Variants in PPIL1 observed in about 807,000 individuals in gnomAD.
The protein encoded by PPIL1 is peptidyl-prolyl cis-trans isomerase-like 1.
A neutral mutation model predicts 19.4 loss-of-function variants in PPIL1; 14 were observed. The observed-to-expected ratio is 0.72, with a 90% CI of 0.48 to 1.13. The LOEUF (loss-of-function observed/expected upper bound fraction) is 1.13. Among genes scored for constraint, PPIL1 ranks in the 50% most tolerant of loss-of-function variants. The pLI is 0.00. For synonymous variants in PPIL1, 72 were observed against 73.6 expected, an observed-to-expected ratio of 0.98 and a Z score of 0.11; for missense variants, 192 against 218.0, an observed-to-expected ratio of 0.88 and a Z score of 0.75.
intron 2 of PPIL1, among the ~76,000 whole-genome samples, chr6:36,865,718 T>C (rs1480603069): frequency 6.6e-6 from 1 of 152,258 alleles, no homozygotes; most frequent in Non-Finnish European, 1.5e-5. Context: ...CACACCGTAC[T>C]ATCATACATT....
chr6:36,871,928 G>T, intron 1 of PPIL1, 56 bp from the exon 2 acceptor site: 1 of 1,458,592 alleles, frequency 6.9e-7, no homozygotes, highest in Non-Finnish European at 9.1e-7. Flanking sequence ...GCAGACAGGA[G>T]TATTATGGAA....
At position 36,865,513 on chromosome 6, in the gene PPIL1, G is replaced by A. The variant is rs116206430; in HGVS notation, c.211+6205C>T. ...TAGAGTGGAAGATGTGACACCGGGG[G>A]TGGCGGGCTCCCTCCCTACCCCTGC... On this transcript the variant is annotated intron_variant, in intron 2 of 3. Coordinates refer to ENST00000373699, the MANE Select transcript of PPIL1 (RefSeq NM_016059.5). 8.3e-3 allele frequency among the ~76,000 whole-genome samples: 1,264 copies of A among 152,266 alleles called. 17 individuals are homozygous for A. The highest frequency in any genetic ancestry group is 0.028 in the African/African-American group (1,143 of 41,534).
intron 2 of PPIL1, among the ~76,000 whole-genome samples, chr6:36,860,970 T>A (rs576909882): frequency 6.6e-6 from 1 of 152,314 alleles, no homozygotes; most frequent in East Asian, 1.9e-4. Flanking sequence ...CACCTCACTG[T>A]ATGACCATAA....
Position 36,855,865 on chromosome 6 carries a change from TG to T in PPIL1, c.448del (p.Gln150ArgfsTer8). ...NRVGMVETNS[Q>X]DRPVDDVKII... The stretch of plus-strand genomic sequence containing the variant: ...CTTCACGTCGTCCACAGGGCGGTCC[TG>T]GGAGTTTGTTTCTACCATTCCCACG... On this transcript the variant is annotated frameshift_variant, in exon 4 of 4. Transcript: ENST00000373699. LOFTEE classifies it high-confidence loss of function. 1 of 1,614,162 alleles carries T rather than the reference TG, an allele frequency of 6.2e-7. No individual in the cohort carries two copies. The highest frequency in any genetic ancestry group is 8.5e-7 in the Non-Finnish European group (1 of 1,180,018).
In PPIL1 at chr6:36,855,114, G is replaced by A. The variant is rs1774140750; in HGVS notation, c.*699C>T. The stretch of plus-strand genomic sequence containing the variant: ...CTGGGAAAAAATGGTCAATGCTTCT[G>A]CTTCCTTTTAATAAACTAATTTCTT... On this transcript the variant is annotated 3_prime_UTR_variant, in exon 4 of 4. Coordinates refer to ENST00000373699, the MANE Select transcript of PPIL1 (RefSeq NM_016059.5). 6.5e-6 allele frequency: 1 copy of A among 152,718 alleles called. No homozygotes were observed. Among genetic ancestry groups the A allele is most frequent in the Admixed American group, 6.5e-5 (1 of 15,286 alleles). 9.5% of individuals were successfully genotyped at this position (152,718 alleles called of 1,614,324 possible). A position where few individuals can be genotyped will look rare whatever the true frequency, so the allele number is the denominator to read the frequency against.
At chr6:36,873,371 T>C (rs553557464) in intron 1 of PPIL1, among the ~76,000 whole-genome samples, 10 of 152,292 alleles carry the variant, frequency 6.6e-5, no homozygotes, top group African/African-American at 2.4e-4. Flanking sequence ...ATCCATACTA[T>C]GGGCAGCTAC....
At chr6:36,857,032 CCT>C (rs776767804) in intron 2 of PPIL1, among the ~76,000 whole-genome samples, 8 of 152,142 alleles carry the variant, frequency 5.3e-5, no homozygotes, top group Non-Finnish European at 8.8e-5. Context: ...TGATTTTTAA[CCT>C]TTTTTTGAGT....
At chr6:36,857,153 C>T (rs890461075) in intron 2 of PPIL1, among the ~76,000 whole-genome samples, 1 of 152,264 alleles carries the variant, frequency 6.6e-6, no homozygotes, top group African/African-American at 2.4e-5. Flanking sequence ...TGTTATCAAC[C>T]CAGAACTCAG....
chr6:36,856,723 C>G, intron 2 of PPIL1, 69 bp from the exon 3 acceptor site: 1 of 1,432,898 alleles, frequency 7.0e-7, no homozygotes, highest in Non-Finnish European at 9.8e-7. Context: ...GAATGATGGC[C>G]CAGGGTCAAA....
At chr6:36,862,017 A>C (rs1412669805) in intron 2 of PPIL1, among the ~76,000 whole-genome samples, 1 of 152,120 alleles carries the variant, frequency 6.6e-6, no homozygotes, top group African/African-American at 2.4e-5. Flanking sequence ...TTAAAAACAA[A>C]ACACAAAAAA....
rs371124969 is a variant in PPIL1 at position 36,874,587 on chromosome 6, C to T, written c.56+130G>A. 4 of 1,282,246 alleles carry T rather than the reference C, an allele frequency of 3.1e-6. No homozygotes were observed. In the East Asian group the frequency reaches 9.9e-5, roughly 32 times the overall value. The allele number at this position is 1,282,246 out of a possible 1,614,324, so 79.4% of individuals were successfully genotyped here. ...CCCCTCTCAACCCTCTGGGGGCCGTCTCGGCCGCTGCTCCACGCCCCTCCA... is the reference window on the plus strand; with the variant it reads ...CCCCTCTCAACCCTCTGGGGGCCGTTTCGGCCGCTGCTCCACGCCCCTCCA... On this transcript the variant is annotated intron_variant, in intron 1 of 3. Transcript: ENST00000373699.
rs1774598442 is a variant in PPIL1 at position 36,874,621 on chromosome 6, C to T, written c.56+96G>A. The T allele has an allele frequency of 5.3e-6, 8 of 1,508,094 alleles. No individual in the cohort carries two copies. The South Asian group carries it at 6.9e-5, about 13-fold the overall frequency. The allele number at this position is 1,508,094 out of a possible 1,614,324, so 93.4% of individuals were successfully genotyped here. On this transcript the variant is annotated intron_variant, in intron 1 of 3. Transcript: ENST00000373699. ...TGCTCCACGCCCCTCCACGTGGAGG[C>T]CGGCCTCCCGGAGGAACGCGCCAGG...
At chr6:36,861,680 GTTTT>G (rs55772980) in intron 2 of PPIL1, among the ~76,000 whole-genome samples, 1 of 136,512 alleles carries the variant, frequency 7.3e-6, no homozygotes. Flanking sequence ...TATGATCTGT[GTTTT>G]TTTTTTTTTT....
intron 2 of PPIL1, among the ~76,000 whole-genome samples, chr6:36,863,762 A>G (rs1249735045): frequency 6.6e-6 from 1 of 151,738 alleles, no homozygotes; most frequent in Non-Finnish European, 1.5e-5. Context: ...AGTGACCTCC[A>G]CGTGGTTATA....
intron 2 of PPIL1, among the ~76,000 whole-genome samples, chr6:36,870,205 T>C (rs1187113731): frequency 6.6e-6 from 1 of 151,764 alleles, no homozygotes; most frequent in Non-Finnish European, 1.5e-5. Context: ...GACTCTGCTA[T>C]AGAGAAAACC....
At chr6:36,863,525 G>A (rs2150657154) in intron 2 of PPIL1, among the ~76,000 whole-genome samples, 1 of 152,144 alleles carries the variant, frequency 6.6e-6, no homozygotes, top group East Asian at 1.9e-4. Context: ...TCTTTCTAAT[G>A]GATCATTCCT....
At chr6:36,870,940 A>G (rs1774497267) in intron 2 of PPIL1, among the ~76,000 whole-genome samples, 1 of 152,138 alleles carries the variant, frequency 6.6e-6, no homozygotes, top group African/African-American at 2.4e-5. Context: ...GATCCTTTTA[A>G]AGCATAGATC....
At chr6:36,869,888 A>AT (rs1309783770) in intron 2 of PPIL1, among the ~76,000 whole-genome samples, 1 of 152,096 alleles carries the variant, frequency 6.6e-6, no homozygotes, top group Non-Finnish European at 1.5e-5. Flanking sequence ...TATATATCCT[A>AT]TTTTTTTGAA....
chr6:36,863,839 T>C (rs1290195990), intron 2 of PPIL1, among the ~76,000 whole-genome samples: 1 of 151,728 alleles, frequency 6.6e-6, no homozygotes, highest in African/African-American at 2.4e-5. Flanking sequence ...CTGCTTGAGT[T>C]GCTGTCTTCC....
Sources: gnomAD v4.1 joint callset for allele counts (sites outside exome capture counted in the v4.1 genomes callset) on GRCh38, gnomAD v4.1.1 for gene constraint, MANE v1.5 for transcripts, NCBI Gene and HGNC (gene_info 2026-07-23, HGNC 2026-07-21) for gene names.